The following RBFOX2 variants were observed in gnomAD, a reference collection of about 807,000 sequenced individuals.
The protein encoded by RBFOX2 is RNA binding fox-1 homolog 2, also known as RNA binding protein fox-1 homolog 2.
RBFOX2 carries 10 observed loss-of-function variants against 49.1 expected under a neutral mutation model. The ratio of observed to expected loss-of-function variants is 0.20; its 90% CI spans 0.13 to 0.35. RBFOX2 has a LOEUF of 0.35. Among genes scored for constraint, RBFOX2 ranks in the 10% least tolerant of loss-of-function variants. The pLI is 1.00. For synonymous variants in RBFOX2, 183 were observed against 187.4 expected (o/e 0.98, Z 0.19); for missense variants, 323 against 486.9 (o/e 0.66, Z 3.17).
intron 1 of RBFOX2, among the ~76,000 whole-genome samples, chr22:35,914,669 G>A (rs946471596): frequency 2.0e-5 from 3 of 152,182 alleles, no homozygotes; most frequent in African/African-American, 4.8e-5. Context: ...CTACAGCTCC[G>A]GAGTTGGCTG....
chr22:35,887,111 A>T (rs1176349011), intron 1 of RBFOX2, among the ~76,000 whole-genome samples: 1 of 152,228 alleles, frequency 6.6e-6, no homozygotes, highest in African/African-American at 2.4e-5. Context: ...ACAAAATTCC[A>T]TATTCTGATT....
intron 2 of RBFOX2, among the ~76,000 whole-genome samples, chr22:35,784,629 G>A (rs2147244659): frequency 6.6e-6 from 1 of 152,378 alleles, no homozygotes; most frequent in African/African-American, 2.4e-5. Flanking sequence ...CAGATGCTTG[G>A]TGGTCACTAT....
At chr22:35,738,869 A>C (rs1330692513) in exon 12 of RBFOX2, 1 of 152,638 alleles carries the variant, frequency 6.6e-6, no homozygotes, top group Non-Finnish European at 1.5e-5. Flanking sequence ...AGAGTAATAC[A>C]AAAAAATAAG....
intron 2 of RBFOX2, among the ~76,000 whole-genome samples, chr22:35,794,060 A>T (rs1042868221): frequency 6.6e-6 from 1 of 152,178 alleles, no homozygotes; most frequent in Non-Finnish European, 1.5e-5. Flanking sequence ...ACAGAATATC[A>T]CCTCAATTTT....
At chr22:35,926,136 T>C (rs889710401) in intron 1 of RBFOX2, among the ~76,000 whole-genome samples, 17 of 152,240 alleles carry the variant, frequency 1.1e-4, no homozygotes, top group Non-Finnish European at 2.1e-4. Flanking sequence ...GGTTTCATTC[T>C]AAATCATCTG....
At chr22:35,778,783 C>T (rs757339793) in intron 3 of RBFOX2, among the ~76,000 whole-genome samples, 1 of 152,094 alleles carries the variant, frequency 6.6e-6, no homozygotes, top group Non-Finnish European at 1.5e-5. Flanking sequence ...ATTACAGGTG[C>T]CTGCCACCAC....
At chr22:35,811,960 GAA>G (rs778461703) in intron 1 of RBFOX2, among the ~76,000 whole-genome samples, 34 of 110,636 alleles carry the variant, frequency 3.1e-4, no homozygotes, top group Non-Finnish European at 4.9e-4. Flanking sequence ...TCTCTTAAGG[GAA>G]AAAAAAAAAA....
rs998921491 is a variant in RBFOX2, at chr22:35,881,475, G to A, written c.-34+57372C>T. Among the ~76,000 whole-genome samples, 13 of 151,758 alleles carry A rather than the reference G, an allele frequency of 8.6e-5. No homozygotes were observed. The East Asian group carries it at 9.7e-4, about 11-fold the overall frequency. On this transcript the variant is annotated intron_variant, in intron 1 of 13. Coordinates refer to the RBFOX2 transcript ENST00000359369. ...CATCTGTAGTCCCACCCAGCTACTC[G>A]AGGGGCTAAGGAAGGAGGATAGCTT... is the stretch of plus-strand genomic sequence containing the variant.
intron 1 of RBFOX2, among the ~76,000 whole-genome samples, chr22:36,013,071 T>C (rs535159043): frequency 2.0e-4 from 31 of 152,214 alleles, no homozygotes; most frequent in African/African-American, 7.5e-4. Context: ...GACTACTCAG[T>C]TCTTATTATA....
upstream of RBFOX2, among the ~76,000 whole-genome samples, chr22:35,963,850 A>G (rs1042573696): frequency 6.6e-6 from 1 of 152,152 alleles, no homozygotes; most frequent in African/African-American, 2.4e-5. Flanking sequence ...GATTCAAGCA[A>G]TTCTCCTGCC....
chr22:36,007,096 G>A (rs1211961565), intron 1 of RBFOX2, among the ~76,000 whole-genome samples: 2 of 152,116 alleles, frequency 1.3e-5, no homozygotes, highest in Non-Finnish European at 2.9e-5. Flanking sequence ...TCCACTTTAT[G>A]ATTTGCACTT....
At chr22:35,999,381 CA>C (rs35407131) in intron 1 of RBFOX2, 390 of 57,304 alleles carry the variant, frequency 6.8e-3, no homozygotes, top group South Asian at 0.044. Flanking sequence ...CCTGTCTCTA[CA>C]AAAAAAAAAA....
chr22:35,804,114 C>A (rs2147956167), intron 2 of RBFOX2, among the ~76,000 whole-genome samples: 1 of 152,190 alleles, frequency 6.6e-6, no homozygotes, highest in South Asian at 2.1e-4. Context: ...CCCATCTCTA[C>A]TAAAAATACA....
intron 2 of RBFOX2, among the ~76,000 whole-genome samples, chr22:35,806,410 G>A (rs990751354): frequency 3.9e-5 from 6 of 152,108 alleles, no homozygotes; most frequent in East Asian, 1.9e-4. Flanking sequence ...ACAAAGGCGC[G>A]TGGGGAATGA....
chr22:35,840,840 A>G (rs1438030139), upstream of RBFOX2, among the ~76,000 whole-genome samples: 2 of 152,252 alleles, frequency 1.3e-5, no homozygotes, highest in Non-Finnish European at 2.9e-5. Flanking sequence ...TAATATTAAT[A>G]AAACATTTTT....
At chr22:35,810,647 A>T (rs1360869504) in intron 1 of RBFOX2, among the ~76,000 whole-genome samples, 1 of 152,236 alleles carries the variant, frequency 6.6e-6, no homozygotes, top group Non-Finnish European at 1.5e-5. Flanking sequence ...TCACATTAAC[A>T]TCAAAGTAAG....
chr22:36,028,128 C>T, intron 1 of RBFOX2, 112 bp downstream of exon 1: 1 of 1,306,526 alleles, frequency 7.7e-7, no homozygotes, highest in Non-Finnish European at 9.7e-7. Context: ...CCCCCCATCC[C>T]ACCTCCAACC....
chr22:35,805,012 G>A (rs1267877016), intron 2 of RBFOX2, among the ~76,000 whole-genome samples: 2 of 152,050 alleles, frequency 1.3e-5, no homozygotes, highest in African/African-American at 4.8e-5. Flanking sequence ...CAAAGGCTGG[G>A]CGCGGTGGCT....
At chr22:35,949,385 C>T (rs1431770066) in intron 1 of RBFOX2, among the ~76,000 whole-genome samples, 2 of 152,162 alleles carry the variant, frequency 1.3e-5, no homozygotes, top group Non-Finnish European at 2.9e-5. Context: ...GCTTTCAATG[C>T]TTTTGGGTAA....
Sources: allele counts gnomAD v4.1 joint callset (sites outside exome capture counted in the v4.1 genomes callset), GRCh38; gene constraint gnomAD v4.1.1; transcripts MANE v1.5; gene names NCBI Gene and HGNC (gene_info 2026-07-23, HGNC 2026-07-21).